Variants in CLIP1 observed in about 807,000 individuals in gnomAD.
CLIP1 encodes the protein CAP-Gly domain-containing linker protein 1.
Under a neutral mutation model 161.6 loss-of-function variants are expected in CLIP1, and 66 were observed. The observed-to-expected ratio is 0.41, with a 90% CI of 0.33 to 0.50. CLIP1 has a LOEUF of 0.50. CLIP1 is among the 20% of genes least tolerant of loss of function. The probability of loss-of-function intolerance (pLI) is 0.27; values close to 1 mark genes in which losing one functional copy is unlikely to be tolerated. For synonymous variants in CLIP1, 598 were observed against 626.2 expected, an observed-to-expected ratio of 0.96 and a Z score of 0.67; for missense variants, 1,376 against 1,702.0, an observed-to-expected ratio of 0.81 and a Z score of 3.37.
chr12:122,305,951 C>G (rs1353754239), intron 20 of CLIP1, among the ~76,000 whole-genome samples: 1 of 151,472 alleles, frequency 6.6e-6, no homozygotes, highest in Non-Finnish European at 1.5e-5. Flanking sequence ...GCCTGTAGTC[C>G]CAGCTGCTAG....
In CLIP1 at chr12:122,355,287, G is replaced by C. The variant is rs1333997878; in HGVS notation, c.1031C>G (p.Ala344Gly). The C allele has an allele frequency of 6.2e-7, 1 of 1,614,070 alleles. No individual in the cohort carries two copies. Among genetic ancestry groups the C allele is most frequent in the Admixed American group, 1.7e-5 (1 of 60,012 alleles). The stretch of plus-strand genomic sequence containing the variant: ...GGCAGTGGTACCGGAGATCTTCCTG[G>C]CGTAACGGGAGGAGGTTTCAGTCAA... ...GLLTETSSRY[A>G]RKISGTTALQ... The change falls in exon 6 of 26, where the codon GCC becomes GGC. Residue 344 changes from alanine to glycine, a missense_variant. Coordinates refer to ENST00000620786, the MANE Select transcript of CLIP1 (RefSeq NM_001247997.2). The surrounding 1 kb of genome is among the most constrained non-coding windows in gnomAD (Gnocchi z 4.1).
Position 122,274,075 on chromosome 12 carries a change from G to A in CLIP1, c.4054C>T (p.Leu1352=). Residue 1352 remains leucine (L), a synonymous_variant, in exon 25 of 26, where the codon CTG becomes TTG. Transcript: ENST00000620786. Reference sequence around the variant, plus strand: ...TTTAGGTCATCCCCGTTCCCATTCAGGGCTGCTTCTGACATCATCTCCACC... The same window carrying A: ...TTTAGGTCATCCCCGTTCCCATTCAAGGCTGCTTCTGACATCATCTCCACC... ...MKVEMMSEAA[L]NGNGDDLNNY... is the part of the protein sequence containing the mutation. The A allele has an allele frequency of 6.2e-7, 1 of 1,613,780 alleles. No individual in the cohort carries two copies. Among genetic ancestry groups the A allele is most frequent in the Non-Finnish European group, 8.5e-7 (1 of 1,179,846 alleles).
chr12:122,420,963 A>T (rs1956918959), intron 1 of CLIP1, among the ~76,000 whole-genome samples: 1 of 151,122 alleles, frequency 6.6e-6, no homozygotes, highest in Non-Finnish European at 1.5e-5. Context: ...TGATGGATGG[A>T]TAGACAGACA....
intron 24 of CLIP1, 74 bp downstream of exon 24, chr12:122,278,080 A>AAGGAAAATAAACG (rs1177801022): frequency 7.3e-7 from 1 of 1,374,074 alleles, no homozygotes; most frequent in African/African-American, 1.4e-5. Context: ...ATCAAATGAG[A>AAGGAAAATAAACG]AGGAAAATAA....
chr12:122,276,419 T>C (rs1463009646), intron 24 of CLIP1: 2 of 1,178,310 alleles, frequency 1.7e-6, no homozygotes, highest in Non-Finnish European at 2.1e-6. Context: ...TGCACGCAAA[T>C]TAGGAAACAT....
chr12:122,376,763 C>A (rs1034485382), intron 3 of CLIP1, among the ~76,000 whole-genome samples: 13 of 151,992 alleles, frequency 8.6e-5, no homozygotes, highest in African/African-American at 3.1e-4. Context: ...AGCCACGGCA[C>A]CTGGCCAAGA....
chr12:122,406,624 A>G (rs1300765994), intron 1 of CLIP1, among the ~76,000 whole-genome samples: 1 of 152,182 alleles, frequency 6.6e-6, no homozygotes, highest in East Asian at 1.9e-4. Flanking sequence ...GAGTAGACAT[A>G]CCCCTTTGAA....
At chr12:122,287,431 A>G (rs1056439121) in intron 21 of CLIP1, among the ~76,000 whole-genome samples, 4 of 152,190 alleles carry the variant, frequency 2.6e-5, no homozygotes, top group African/African-American at 9.7e-5. Context: ...TGGTTATGCT[A>G]TTCTTTAAGG....
chr12:122,340,661 T>G (rs1172568432), intron 11 of CLIP1, 92 bp downstream of exon 11: 1 of 1,040,004 alleles, frequency 9.6e-7, no homozygotes, highest in East Asian at 2.4e-5. Context: ...AATCAGCAAT[T>G]TGGAAGATGA....
intron 1 of CLIP1, among the ~76,000 whole-genome samples, chr12:122,398,784 G>T (rs1359900692): frequency 3.3e-5 from 5 of 151,936 alleles, no homozygotes; most frequent in African/African-American, 4.8e-5. Flanking sequence ...TGAGGTGGGA[G>T]GATCGCTTGA....
intron 20 of CLIP1, among the ~76,000 whole-genome samples, chr12:122,303,020 T>C (rs1395528202): frequency 1.3e-5 from 2 of 152,222 alleles, no homozygotes; most frequent in Non-Finnish European, 2.9e-5. Context: ...CATGAGCCAC[T>C]GCATCTGGCC....
At chr12:122,354,186 G>A (rs1953205398) in intron 7 of CLIP1, among the ~76,000 whole-genome samples, 1 of 151,934 alleles carries the variant, frequency 6.6e-6, no homozygotes, top group South Asian at 2.1e-4. Context: ...CCTGAGCTCA[G>A]GAGTTCGAGA....
At chr12:122,326,337 G>A (rs373745276) in intron 17 of CLIP1, among the ~76,000 whole-genome samples, 3 of 148,954 alleles carry the variant, frequency 2.0e-5, no homozygotes, top group East Asian at 2.0e-4. Context: ...CAACCCCAGC[G>A]CCTTGTGAGA....
At chr12:122,386,159 G>A (rs1593217452) in intron 1 of CLIP1, among the ~76,000 whole-genome samples, 1 of 151,984 alleles carries the variant, frequency 6.6e-6, no homozygotes, top group African/African-American at 2.4e-5. Context: ...GGTGTTGCAC[G>A]CCTGTAGTCC....
At chr12:122,297,314 G>A (rs1463213845) in intron 20 of CLIP1, among the ~76,000 whole-genome samples, 1 of 152,182 alleles carries the variant, frequency 6.6e-6, no homozygotes, top group Non-Finnish European at 1.5e-5. Flanking sequence ...CTTCTGCTTT[G>A]TAGGCTCAGT....
chr12:122,290,158 TATTA>T (rs570369185), intron 20 of CLIP1, among the ~76,000 whole-genome samples: 117 of 152,348 alleles, frequency 7.7e-4, no homozygotes, highest in African/African-American at 1.7e-3. Flanking sequence ...TTATAGTCAT[TATTA>T]ATTATTACTT....
chr12:122,328,169 A>C lies in CLIP1; in HGVS notation c.3034-7T>G. ...TTGTTTCCATTTTCTTTTCCTGCAG[A>C]GACCCCGAATGAGGGAATGAGTCAT... On this transcript the variant is annotated splice_polypyrimidine_tract_variant and splice_region_variant and intron_variant, in intron 16 of 25. Transcript: ENST00000620786. The C allele has an allele frequency of 6.2e-7, 1 of 1,613,712 alleles. No homozygotes were observed. The highest frequency in any genetic ancestry group is 8.5e-7 in the Non-Finnish European group (1 of 1,179,950).
chr12:122,417,675 G>A (rs34220678), intron 1 of CLIP1, among the ~76,000 whole-genome samples: 11,362 of 151,826 alleles, frequency 0.075, 605 homozygotes, highest in Non-Finnish European at 0.11. Flanking sequence ...ACCAAGCCTG[G>A]CTAATTTTTT....
At chr12:122,274,273 G>A in intron 24 of CLIP1, 111 bp from the exon 25 acceptor site, 1 of 840,940 alleles carries the variant, frequency 1.2e-6, no homozygotes, top group Non-Finnish European at 1.9e-6. Context: ...TGTGCAGAAG[G>A]GGCCAACAGC....
Sources: gnomAD v4.1 joint callset for allele counts (sites outside exome capture counted in the v4.1 genomes callset) on GRCh38, gnomAD v4.1.1 for gene constraint, Gnocchi (gnomAD v3.1) non-coding constraint, MANE v1.5 for transcripts, NCBI Gene and HGNC (gene_info 2026-07-23, HGNC 2026-07-21) for gene names.